The following ERBB4 variants were observed in gnomAD, a reference collection of about 807,000 sequenced individuals.
ERBB4 encodes receptor tyrosine-protein kinase erbB-4.
In ERBB4, 42 loss-of-function variants were observed where a neutral mutation model predicts 158.0. The observed-to-expected ratio is 0.27, with a 90% CI of 0.21 to 0.34. The LOEUF is 0.34. Ranked by LOEUF, ERBB4 falls within the 10% of genes least tolerant of loss-of-function variation. ERBB4 has a pLI of 1.00. For missense variants in ERBB4, 1,333 were observed against 1,624.1 expected (o/e 0.82, Z 3.08); for synonymous variants, 583 against 558.7 (o/e 1.04, Z -0.61).
chr2:211,885,542 A>G (rs909728551), intron 3 of ERBB4, among the ~76,000 whole-genome samples: 2 of 151,792 alleles, frequency 1.3e-5, no homozygotes, highest in Admixed American at 6.6e-5. Context: ...TGCAACCTCA[A>G]TCTCCTGGGT....
At chr2:212,209,685 A>T (rs1336900625) in intron 1 of ERBB4, among the ~76,000 whole-genome samples, 1 of 152,118 alleles carries the variant, frequency 6.6e-6, no homozygotes, top group African/African-American at 2.4e-5. Flanking sequence ...TAAGGAGGGA[A>T]TTAAGATTAA....
At chr2:212,491,134 A>G (rs921182384) in intron 1 of ERBB4, among the ~76,000 whole-genome samples, 8 of 151,620 alleles carry the variant, frequency 5.3e-5, no homozygotes, top group Admixed American at 4.0e-4. Flanking sequence ...GGACTGAATG[A>G]TCATAAGTAT....
At chr2:211,695,466 A>G (rs1239023816) in intron 12 of ERBB4, among the ~76,000 whole-genome samples, 1 of 152,162 alleles carries the variant, frequency 6.6e-6, no homozygotes, top group African/African-American at 2.4e-5. Flanking sequence ...TATTTTTTGG[A>G]ATTTTTAAAA....
At chr2:211,931,325 G>A (rs981124563) in intron 3 of ERBB4, among the ~76,000 whole-genome samples, 8 of 151,998 alleles carry the variant, frequency 5.3e-5, no homozygotes, top group African/African-American at 1.4e-4. Flanking sequence ...ATTATAGCAC[G>A]TTGTTATCTC....
At chr2:211,927,762 G>A (rs1575390140) in intron 3 of ERBB4, among the ~76,000 whole-genome samples, 1 of 151,902 alleles carries the variant, frequency 6.6e-6, no homozygotes, top group African/African-American at 2.4e-5. Context: ...TTATTGGCTA[G>A]TTGGTTGGTT....
intron 1 of ERBB4, among the ~76,000 whole-genome samples, chr2:212,225,763 C>T (rs528583670): frequency 7.2e-5 from 11 of 151,852 alleles, no homozygotes; most frequent in Non-Finnish European, 1.5e-5. Flanking sequence ...CTCACTGCTT[C>T]CTTCTTTCTT....
chr2:211,655,241 C>T (rs991853852), intron 16 of ERBB4, among the ~76,000 whole-genome samples: 2 of 152,028 alleles, frequency 1.3e-5, no homozygotes, highest in African/African-American at 4.8e-5. Flanking sequence ...ATCAAAAGGG[C>T]TTTAGGTACA....
intron 3 of ERBB4, among the ~76,000 whole-genome samples, chr2:211,868,936 C>T (rs890607813): frequency 6.6e-6 from 1 of 152,180 alleles, no homozygotes; most frequent in African/African-American, 2.4e-5. Flanking sequence ...GCCTCCTAAC[C>T]ATGATGCTTG....
rs1575167182 is a variant in ERBB4 at position 211,802,269 on chromosome 2, A to G, written c.422-14110T>C. Reference sequence around the variant, plus strand: ...GCGAGACTCAGTCTCCAACAAAAAAAAAAAAACACAAAAAACTGAAATACA... The same window carrying G: ...GCGAGACTCAGTCTCCAACAAAAAAGAAAAAACACAAAAAACTGAAATACA... On this transcript the variant is annotated intron_variant, in intron 3 of 27. Coordinates refer to ENST00000342788, the MANE Select transcript of ERBB4 (RefSeq NM_005235.3). Among the ~76,000 whole-genome samples the G allele has an allele frequency of 3.3e-5, 5 of 152,246 alleles. No individual in the cohort carries two copies. The South Asian group carries it at 1.0e-3, about 32-fold the overall frequency.
chr2:212,105,880 T>A (rs770018234), intron 2 of ERBB4, among the ~76,000 whole-genome samples: 7 of 152,196 alleles, frequency 4.6e-5, no homozygotes, highest in Non-Finnish European at 1.0e-4. Context: ...ATAGTTTTTA[T>A]AAAGGAGAGT....
intron 20 of ERBB4, among the ~76,000 whole-genome samples, chr2:211,434,596 C>T (rs1050264765): frequency 6.6e-6 from 1 of 152,150 alleles, no homozygotes; most frequent in African/African-American, 2.4e-5. Flanking sequence ...TCTAATGACA[C>T]ACTCTACAAT....
intron 3 of ERBB4, among the ~76,000 whole-genome samples, chr2:211,935,488 G>A (rs765890677): frequency 6.6e-6 from 1 of 152,118 alleles, no homozygotes; most frequent in Non-Finnish European, 1.5e-5. Flanking sequence ...CCAATTTCAG[G>A]CTCCCTGGTC....
chr2:211,993,439 C>T (rs924170083), intron 2 of ERBB4, among the ~76,000 whole-genome samples: 7 of 152,092 alleles, frequency 4.6e-5, no homozygotes, highest in Admixed American at 6.6e-5. Context: ...GCTGTTTAAG[C>T]CACTCAGGGT....
intron 3 of ERBB4, among the ~76,000 whole-genome samples, chr2:211,797,786 G>T (rs11897075): frequency 0.041 from 6,283 of 151,910 alleles, 412 homozygotes; most frequent in African/African-American, 0.14. Flanking sequence ...CATACTGGAA[G>T]ATTATTTTAA....
chr2:212,215,164 G>C (rs2083059924), intron 1 of ERBB4, among the ~76,000 whole-genome samples: 1 of 151,520 alleles, frequency 6.6e-6, no homozygotes. Context: ...TGTGTATACA[G>C]TGCCTCCTTT....
intron 2 of ERBB4, among the ~76,000 whole-genome samples, chr2:212,043,370 T>C (rs972664204): frequency 6.6e-6 from 1 of 152,140 alleles, no homozygotes; most frequent in African/African-American, 2.4e-5. Context: ...TGTTTCTAAT[T>C]GTGCTAGAAA....
In ERBB4 at chr2:212,182,985, T is replaced by C. The variant is rs918039183; in HGVS notation, c.83-58082A>G. Among the ~76,000 whole-genome samples, 11 of 151,770 alleles carry C rather than the reference T, an allele frequency of 7.2e-5. 1 individual carries two copies. The highest frequency in any genetic ancestry group is 2.4e-4 in the African/African-American group (10 of 41,390). ...GTAATCATGATTTTGGTCACACAAC[T>C]TAGCCATTTGTTCAAAAATAATATA... On this transcript the variant is annotated intron_variant, in intron 1 of 27. Coordinates refer to ENST00000342788, the MANE Select transcript of ERBB4 (RefSeq NM_005235.3).
chr2:211,483,484 T>C (rs1432033384), intron 20 of ERBB4, among the ~76,000 whole-genome samples: 1 of 152,146 alleles, frequency 6.6e-6, no homozygotes. Flanking sequence ...ACACATTATA[T>C]AAATAGATAC....
At chr2:212,115,282 T>C (rs1198613466) in intron 2 of ERBB4, among the ~76,000 whole-genome samples, 2 of 152,154 alleles carry the variant, frequency 1.3e-5, no homozygotes, top group East Asian at 3.9e-4. Context: ...ACGAGAGACC[T>C]TTAAAATTGA....
Sources: allele counts gnomAD v4.1 joint callset (sites outside exome capture counted in the v4.1 genomes callset), GRCh38; gene constraint gnomAD v4.1.1; transcripts MANE v1.5; gene names NCBI Gene and HGNC (gene_info 2026-07-23, HGNC 2026-07-21).